The following KCNMB2 variants were observed in gnomAD, a reference collection of about 807,000 sequenced individuals.
The protein encoded by KCNMB2 is calcium-activated potassium channel subunit beta-2.
Under a neutral mutation model 24.5 loss-of-function variants are expected in KCNMB2, and 9 were observed. That is an observed-to-expected ratio of 0.37 (90% confidence interval 0.22 to 0.64). The LOEUF (loss-of-function observed/expected upper bound fraction) is 0.64, where lower values mean the gene tolerates loss of function less well. KCNMB2 is among the 30% of genes least tolerant of loss of function. The pLI is 0.63. For synonymous variants in KCNMB2, 109 were observed against 104.4 expected (o/e 1.04, Z -0.27); for missense variants, 226 against 284.3 (o/e 0.79, Z 1.47).
intron 1 of KCNMB2, among the ~76,000 whole-genome samples, chr3:178,752,300 C>T (rs181052937): frequency 3.3e-5 from 5 of 152,068 alleles, no homozygotes; most frequent in Non-Finnish European, 7.4e-5. Context: ...CATTGAGCTG[C>T]GCCTTTAAGA....
intron 2 of KCNMB2, among the ~76,000 whole-genome samples, chr3:178,811,991 T>C (rs1457005462): frequency 1.3e-5 from 2 of 152,226 alleles, no homozygotes; most frequent in African/African-American, 4.8e-5. Flanking sequence ...AATACTTGAC[T>C]GTTTAAATAA....
chr3:178,802,473 C>CCT (rs1713810406), intron 1 of KCNMB2, among the ~76,000 whole-genome samples: 1 of 152,114 alleles, frequency 6.6e-6, no homozygotes. Context: ...GGCCTCAGCA[C>CCT]TGGTAGGAAG....
intron 1 of KCNMB2, among the ~76,000 whole-genome samples, chr3:178,555,581 T>C (rs965019553): frequency 6.6e-6 from 1 of 152,256 alleles, no homozygotes; most frequent in Non-Finnish European, 1.5e-5. Flanking sequence ...GCATGGGCTA[T>C]GTTTACAAAG....
At chr3:178,614,546 C>T (rs928885337) in intron 1 of KCNMB2, among the ~76,000 whole-genome samples, 2 of 151,396 alleles carry the variant, frequency 1.3e-5, no homozygotes, top group Non-Finnish European at 2.9e-5. Context: ...AAGACCTGCC[C>T]CCATGATTCA....
rs1715511156 is a variant in KCNMB2 at position 178,843,713 on chromosome 3, A to G, written c.*776A>G. On this transcript the variant is annotated 3_prime_UTR_variant, in exon 5 of 5. Coordinates refer to ENST00000452583, the MANE Select transcript of KCNMB2 (RefSeq NM_181361.3). ...GGTAGGTGCTCCATTACAATCCAGG[A>G]AAGTCTGTGTTACTGATATTTGTGT... The G allele has an allele frequency of 1.3e-5, 2 of 152,422 alleles. No individual in the cohort carries two copies. The highest frequency in any genetic ancestry group is 1.9e-4 in the East Asian group (1 of 5,182). The allele number at this position is 152,422 out of a possible 1,614,324, so 9.4% of individuals were successfully genotyped here.
chr3:178,610,035 CT>C (rs969293221), intron 1 of KCNMB2, among the ~76,000 whole-genome samples: 13 of 152,164 alleles, frequency 8.5e-5, no homozygotes, highest in Non-Finnish European at 1.8e-4. Flanking sequence ...AAGAGACTAT[CT>C]TTTTTCCAGT....
chr3:178,625,817 C>G (rs1719096446), intron 1 of KCNMB2, among the ~76,000 whole-genome samples: 1 of 152,196 alleles, frequency 6.6e-6, no homozygotes, highest in South Asian at 2.1e-4. Flanking sequence ...TCCTACCCTT[C>G]TTACATAAAT....
chr3:178,807,327 T>C lies in KCNMB2; in HGVS notation c.-67-16T>C, dbSNP rs1577203422. On this transcript the variant is annotated splice_polypyrimidine_tract_variant and intron_variant, in intron 1 of 4. Transcript: ENST00000452583. ...AGCTATTTGTTGCTGTTAACTTCAT[T>C]GTGTACCTCTTCTAGGTCTTTTTGC... The C allele has an allele frequency of 9.0e-7, 1 of 1,114,238 alleles. No homozygotes were observed. The highest frequency in any genetic ancestry group is 1.4e-6 in the Non-Finnish European group (1 of 739,570). The allele number at this position is 1,114,238 out of a possible 1,614,324, so 69.0% of individuals were successfully genotyped here.
At chr3:178,828,450 T>C in intron 4 of KCNMB2, 77 bp downstream of exon 4, 1 of 1,105,916 alleles carries the variant, frequency 9.0e-7, no homozygotes, top group Non-Finnish European at 1.3e-6. Flanking sequence ...AGTTCCCCTT[T>C]GCCAGCATTT....
At chr3:178,651,959 A>G (rs1446553626) in intron 1 of KCNMB2, among the ~76,000 whole-genome samples, 1 of 152,348 alleles carries the variant, frequency 6.6e-6, no homozygotes, top group African/African-American at 2.4e-5. Flanking sequence ...ACCTTAAACC[A>G]TAAAAACCCT....
chr3:178,734,089 A>AT (rs1157398767), intron 1 of KCNMB2, among the ~76,000 whole-genome samples: 3 of 152,108 alleles, frequency 2.0e-5, no homozygotes, highest in African/African-American at 4.8e-5. Context: ...CAAATTTCAG[A>AT]TTTTTTCAGG....
chr3:178,597,741 C>T lies in KCNMB2; in HGVS notation c.-68+61030C>T, dbSNP rs1174477315. Among the ~76,000 whole-genome samples the T allele has an allele frequency of 2.6e-5, 4 of 152,238 alleles. No homozygotes were observed. In the East Asian group the frequency reaches 7.7e-4, roughly 29 times the overall value. ...AAATATACTCAAATGATGTGCTCCTCACCATTCATTTTCCAAACTACCGTG... is the reference window on the plus strand; with the variant it reads ...AAATATACTCAAATGATGTGCTCCTTACCATTCATTTTCCAAACTACCGTG... On this transcript the variant is annotated intron_variant, in intron 1 of 4. Coordinates refer to ENST00000452583, the MANE Select transcript of KCNMB2 (RefSeq NM_181361.3).
At chr3:178,737,268 A>T (rs923379561) in intron 1 of KCNMB2, among the ~76,000 whole-genome samples, 3 of 146,160 alleles carry the variant, frequency 2.1e-5, no homozygotes, top group African/African-American at 5.0e-5. Context: ...GATTCTGTTT[A>T]AAAAAAAAAA....
chr3:178,824,407 A>G (rs1714750251), intron 2 of KCNMB2, among the ~76,000 whole-genome samples: 2 of 151,408 alleles, frequency 1.3e-5, no homozygotes, highest in African/African-American at 2.4e-5. Flanking sequence ...TCGCTCTTTC[A>G]CCCAGGCTGG....
rs1213867698 is a variant in KCNMB2, at chr3:178,758,612, G to C, written c.-67-48731G>C. On this transcript the variant is annotated intron_variant, in intron 1 of 4. Transcript: ENST00000452583. ...CAAGAGGAGATATATATATCTCCAA[G>C]AGGATATATATATATATATCTCTCT... 4.3e-4 allele frequency among the ~76,000 whole-genome samples: 21 copies of C among 49,118 alleles called. 1 individual carries two copies. The highest frequency in any genetic ancestry group is 7.4e-4 in the Non-Finnish European group (19 of 25,504). 32.2% of individuals were successfully genotyped at this position (49,118 alleles called of 152,430 possible).
intron 1 of KCNMB2, among the ~76,000 whole-genome samples, chr3:178,702,439 T>C (rs1394727609): frequency 2.7e-5 from 4 of 150,792 alleles, no homozygotes; most frequent in African/African-American, 9.7e-5. Flanking sequence ...ATAATAAATA[T>C]ATATATATTT....
At chr3:178,608,596 T>G (rs1053460978) in intron 1 of KCNMB2, among the ~76,000 whole-genome samples, 1 of 152,198 alleles carries the variant, frequency 6.6e-6, no homozygotes, top group African/African-American at 2.4e-5. Flanking sequence ...AATCACCCTA[T>G]TGTGCTATTG....
At chr3:178,595,537 C>T (rs1252452729) in intron 1 of KCNMB2, among the ~76,000 whole-genome samples, 1 of 152,048 alleles carries the variant, frequency 6.6e-6, no homozygotes, top group African/African-American at 2.4e-5. Context: ...TCATGGGGGG[C>T]AGTTCCCCCA....
At chr3:178,715,779 C>A (rs1341170549) in intron 1 of KCNMB2, among the ~76,000 whole-genome samples, 1 of 152,152 alleles carries the variant, frequency 6.6e-6, no homozygotes, top group African/African-American at 2.4e-5. Flanking sequence ...TTTCCTATCA[C>A]TGGTGTTACA....
Sources: allele counts gnomAD v4.1 joint callset (sites outside exome capture counted in the v4.1 genomes callset), GRCh38; gene constraint gnomAD v4.1.1; transcripts MANE v1.5; gene names NCBI Gene and HGNC (gene_info 2026-07-23, HGNC 2026-07-21).